MACROD2: variants seen among roughly 807,000 people sequenced by gnomAD.
The protein encoded by MACROD2 is ADP-ribose glycohydrolase MACROD2.
Under a neutral mutation model 70.4 loss-of-function variants are expected in MACROD2, and 36 were observed. The ratio of observed to expected loss-of-function variants is 0.51; its 90% CI spans 0.39 to 0.68. The LOEUF (loss-of-function observed/expected upper bound fraction) is 0.68, where lower values mean the gene tolerates loss of function less well. MACROD2 is among the 30% of genes least tolerant of loss of function. The pLI, the probability that MACROD2 is intolerant of heterozygous loss-of-function variation, is 0.00. For synonymous variants in MACROD2, 172 were observed against 178.8 expected (o/e 0.96, Z 0.30); for missense variants, 496 against 538.4 (o/e 0.92, Z 0.78).
At chr20:15,122,879 G>T (rs1352301356) in intron 5 of MACROD2, among the ~76,000 whole-genome samples, 1 of 152,104 alleles carries the variant, frequency 6.6e-6, no homozygotes, top group African/African-American at 2.4e-5. Context: ...AAAAGTCTTT[G>T]CCTCTGCAGC....
At chr20:15,246,718 T>C (rs1368284788) in intron 6 of MACROD2, among the ~76,000 whole-genome samples, 1 of 152,208 alleles carries the variant, frequency 6.6e-6, no homozygotes, top group Non-Finnish European at 1.5e-5. Context: ...CACTTCTAGG[T>C]GTTTACCCAA....
intron 8 of MACROD2, among the ~76,000 whole-genome samples, chr20:15,634,322 A>G (rs924192096): frequency 6.6e-6 from 1 of 152,198 alleles, no homozygotes; most frequent in African/African-American, 2.4e-5. Flanking sequence ...GTAAGAGTCA[A>G]TTTCCTGTTT....
In MACROD2 at chr20:14,195,733, C is replaced by T. The variant is rs1238380810; in HGVS notation, c.271+110005C>T. 2.6e-5 allele frequency among the ~76,000 whole-genome samples: 4 copies of T among 152,162 alleles called. No homozygotes were observed. The South Asian group carries it at 8.3e-4, about 32-fold the overall frequency. ...GACTGGCAGAGCATGCGAAGTTTGG[C>T]TGGGGCAGTTGAGGGAGAGCCCCGG... On this transcript the variant is annotated intron_variant, in intron 3 of 17. Transcript: ENST00000684519.
intron 5 of MACROD2, among the ~76,000 whole-genome samples, chr20:14,897,227 A>G (rs1316907245): frequency 2.6e-5 from 4 of 152,156 alleles, no homozygotes; most frequent in Non-Finnish European, 5.9e-5. Context: ...GACAGGTTTC[A>G]GTCACAGACT....
intron 5 of MACROD2, among the ~76,000 whole-genome samples, chr20:15,091,612 A>T (rs2075793750): frequency 6.6e-6 from 1 of 152,108 alleles, no homozygotes; most frequent in African/African-American, 2.4e-5. Flanking sequence ...AACCCACGTC[A>T]CTAAGAGACC....
At chr20:15,192,446 T>G (rs887886875) in intron 5 of MACROD2, among the ~76,000 whole-genome samples, 1 of 152,204 alleles carries the variant, frequency 6.6e-6, no homozygotes, top group Non-Finnish European at 1.5e-5. Flanking sequence ...GTGAGAGTGA[T>G]GTAGACCTTT....
intron 6 of MACROD2, among the ~76,000 whole-genome samples, chr20:15,368,827 A>G (rs2045449572): frequency 6.6e-6 from 1 of 152,140 alleles, no homozygotes; most frequent in Non-Finnish European, 1.5e-5. Flanking sequence ...GGCAGTTGCT[A>G]GTTTCAACCT....
At chr20:14,896,672 G>A (rs905804720) in intron 5 of MACROD2, among the ~76,000 whole-genome samples, 2 of 151,744 alleles carry the variant, frequency 1.3e-5, no homozygotes, top group Non-Finnish European at 2.9e-5. Context: ...ATGACATCAA[G>A]CATTGATCTG....
intron 3 of MACROD2, among the ~76,000 whole-genome samples, chr20:14,313,219 GT>G (rs1052990332): frequency 5.3e-5 from 8 of 152,272 alleles, no homozygotes; most frequent in African/African-American, 1.7e-4. Flanking sequence ...TAACCCTCTA[GT>G]TTTTATCATT....
At chr20:15,203,262 C>T (rs1444878654) in intron 5 of MACROD2, among the ~76,000 whole-genome samples, 1 of 152,074 alleles carries the variant, frequency 6.6e-6, no homozygotes, top group African/African-American at 2.4e-5. Context: ...AGACAAGAGA[C>T]AGATAACTTC....
In MACROD2 at chr20:15,862,214, C is replaced by T. The variant is rs140127506; in HGVS notation, c.646-531C>T. 1.8e-4 allele frequency among the ~76,000 whole-genome samples: 28 copies of T among 152,326 alleles called. No individual in the cohort carries two copies. In the East Asian group the frequency reaches 3.9e-3, roughly 21 times the overall value. On this transcript the variant is annotated intron_variant, in intron 8 of 17. Coordinates refer to ENST00000684519, the MANE Select transcript of MACROD2 (RefSeq NM_001351661.2). ...AGCTAGTTACTTTTTATTTCTGTTG[C>T]ATTTCCAAGTGTGTTAAATTAAAGC...
chr20:14,675,555 C>T (rs1471983465), intron 4 of MACROD2, among the ~76,000 whole-genome samples: 1 of 152,040 alleles, frequency 6.6e-6, no homozygotes, highest in Middle Eastern at 3.2e-3. Context: ...CTGAAGGAAG[C>T]ACTAAATATG....
chr20:14,669,983 G>A (rs1264807430), intron 4 of MACROD2, among the ~76,000 whole-genome samples: 1 of 151,884 alleles, frequency 6.6e-6, no homozygotes, highest in African/African-American at 2.4e-5. Flanking sequence ...CCTTGAGAAG[G>A]GTCTCTGCCT....
Position 15,005,430 on chromosome 20 carries a change from C to T in MACROD2, c.419-224510C>T, listed in dbSNP as rs144701177. 1.8e-3 allele frequency among the ~76,000 whole-genome samples: 274 copies of T among 152,278 alleles called. 1 individual carries two copies. Among genetic ancestry groups the T allele is most frequent in the African/African-American group, 6.2e-3 (259 of 41,560 alleles). The stretch of plus-strand genomic sequence containing the variant: ...TAAGTGCAAGAACAGTAAACTTCAG[C>T]TTATCTAACATGGCCAAGGAATGGT... On this transcript the variant is annotated intron_variant, in intron 5 of 17. Coordinates refer to ENST00000684519, the MANE Select transcript of MACROD2 (RefSeq NM_001351661.2).
chr20:15,885,019 T>G (rs988364633), intron 9 of MACROD2, among the ~76,000 whole-genome samples: 2 of 152,118 alleles, frequency 1.3e-5, no homozygotes, highest in African/African-American at 4.8e-5. Context: ...CCTCACCTTC[T>G]AATCACCATC....
intron 3 of MACROD2, among the ~76,000 whole-genome samples, chr20:14,253,892 C>T (rs775351064): frequency 4.6e-5 from 7 of 151,798 alleles, no homozygotes; most frequent in Non-Finnish European, 8.8e-5. Context: ...TCAGTCTAAA[C>T]CAATGGGTGC....
intron 5 of MACROD2, among the ~76,000 whole-genome samples, chr20:15,074,897 A>G (rs1168747541): frequency 6.6e-6 from 1 of 152,194 alleles, no homozygotes; most frequent in African/African-American, 2.4e-5. Flanking sequence ...CGATACACAC[A>G]TCCATAAGAC....
At chr20:14,681,419 T>A (rs2070930953) in intron 4 of MACROD2, among the ~76,000 whole-genome samples, 1 of 152,076 alleles carries the variant, frequency 6.6e-6, no homozygotes, top group African/African-American at 2.4e-5. Flanking sequence ...GTATTACAAA[T>A]AAAAAGGAAG....
chr20:15,819,838 A>T (rs1335403979), intron 8 of MACROD2, among the ~76,000 whole-genome samples: 1 of 152,180 alleles, frequency 6.6e-6, no homozygotes, highest in Admixed American at 6.5e-5. Context: ...ACAACTCCAG[A>T]GACTGAATAT....
Sources: gnomAD v4.1 joint callset for allele counts (sites outside exome capture counted in the v4.1 genomes callset) on GRCh38, gnomAD v4.1.1 for gene constraint, MANE v1.5 for transcripts, NCBI Gene and HGNC (gene_info 2026-07-23, HGNC 2026-07-21) for gene names.